ANO10: variants seen among roughly 807,000 people sequenced by gnomAD.
ANO10 encodes the protein anoctamin 10.
In ANO10, 77 loss-of-function variants were observed where a neutral mutation model predicts 74.7. That is an observed-to-expected ratio of 1.03 (90% CI 0.86 to 1.25). The LOEUF (loss-of-function observed/expected upper bound fraction) is 1.25. Among genes scored for constraint, ANO10 ranks in the 50% most tolerant of loss-of-function variants. The probability of loss-of-function intolerance (pLI) is 0.00; values close to 1 mark genes in which losing one functional copy is unlikely to be tolerated. For missense variants in ANO10, 721 were observed against 778.1 expected (o/e 0.93, Z 0.87); for synonymous variants, 279 against 284.9 (o/e 0.98, Z 0.21).
intron 7 of ANO10, among the ~76,000 whole-genome samples, chr3:43,567,625 G>A (rs573211059): frequency 2.6e-5 from 4 of 151,610 alleles, no homozygotes; most frequent in Non-Finnish European, 5.9e-5. Flanking sequence ...TTATAGACAA[G>A]CAAATGCTGA....
At chr3:43,614,168 A>G (rs531642871) in intron 1 of ANO10, among the ~76,000 whole-genome samples, 4 of 152,350 alleles carry the variant, frequency 2.6e-5, no homozygotes, top group Non-Finnish European at 4.4e-5. Flanking sequence ...ACATTTATGC[A>G]TTGTTCAATG....
In ANO10 at chr3:43,549,844, G is replaced by A; in HGVS notation, c.1673C>T (p.Ala558Val). Residue 558 changes from alanine to valine, a missense_variant, in exon 11 of 13, where the codon GCT becomes GTT. Coordinates refer to ENST00000292246, the MANE Select transcript of ANO10 (RefSeq NM_018075.5). ...PSANIGVWQL[A>V]FETMSVISVV... ...AGATATAACACTCATCGTTTCAAAA[G>A]CCAACTAAAAGAAAAAAGAATGGAA... The A allele has an allele frequency of 1.2e-6, 2 of 1,613,662 alleles. No individual in the cohort carries two copies. Among genetic ancestry groups the A allele is most frequent in the Non-Finnish European group, 1.7e-6 (2 of 1,179,776 alleles).
At chr3:43,388,137 A>G (rs1441382947) in intron 12 of ANO10, among the ~76,000 whole-genome samples, 2 of 152,152 alleles carry the variant, frequency 1.3e-5, no homozygotes, top group African/African-American at 4.8e-5. Flanking sequence ...TGATCAGAAC[A>G]CAGGGCCTGG....
intron 11 of ANO10, 25 bp from the exon 12 acceptor site, chr3:43,432,752 T>C (rs749684491): frequency 7.0e-7 from 1 of 1,432,274 alleles, no homozygotes; most frequent in South Asian, 1.1e-5. Flanking sequence ...GAGTACATGT[T>C]GATGTGATAC....
At chr3:43,473,160 T>A (rs1030974326) in intron 11 of ANO10, among the ~76,000 whole-genome samples, 1 of 152,134 alleles carries the variant, frequency 6.6e-6, no homozygotes, top group African/African-American at 2.4e-5. Flanking sequence ...AATGTCTTTT[T>A]TTTTTATAGC....
chr3:43,450,146 G>A (rs1266309907), intron 11 of ANO10, among the ~76,000 whole-genome samples: 1 of 152,072 alleles, frequency 6.6e-6, no homozygotes, highest in Non-Finnish European at 1.5e-5. Flanking sequence ...ATTGTTTTTA[G>A]AATAAAGTGG....
At chr3:43,627,488 CCA>C (rs2083503355) in intron 1 of ANO10, among the ~76,000 whole-genome samples, 1 of 152,206 alleles carries the variant, frequency 6.6e-6, no homozygotes, top group South Asian at 2.1e-4. Flanking sequence ...CAAGAAGCTG[CCA>C]CAGTCACTAC....
chr3:43,538,457 C>T (rs555922302), intron 11 of ANO10, among the ~76,000 whole-genome samples: 19 of 151,910 alleles, frequency 1.3e-4, no homozygotes, highest in Non-Finnish European at 2.4e-4. Flanking sequence ...ATTTTTAAAA[C>T]GGAAATAAAA....
chr3:43,685,921 G>A (rs1408106671), intron 1 of ANO10, among the ~76,000 whole-genome samples: 1 of 152,162 alleles, frequency 6.6e-6, no homozygotes, highest in African/African-American at 2.4e-5. Context: ...TTCACACGAT[G>A]TCTTAGATTT....
rs1168078876 is a variant in ANO10, at chr3:43,636,717, T to A, written c.-11-30854A>T. 2.0e-5 allele frequency among the ~76,000 whole-genome samples: 3 copies of A among 152,238 alleles called. No individual in the cohort carries two copies. In the East Asian group the frequency reaches 5.8e-4, roughly 29 times the overall value. ...ATTTGTACAATATATTGTCATATATTTTTGTGTTTAATAGACGTTCTTTGT... is the reference window on the plus strand; with the variant it reads ...ATTTGTACAATATATTGTCATATATATTTGTGTTTAATAGACGTTCTTTGT... On this transcript the variant is annotated intron_variant, in intron 1 of 3. Coordinates refer to the ANO10 transcript ENST00000413397.
intron 1 of ANO10, among the ~76,000 whole-genome samples, chr3:43,674,718 A>T (rs2084100267): frequency 6.6e-6 from 1 of 152,134 alleles, no homozygotes; most frequent in Non-Finnish European, 1.5e-5. Flanking sequence ...AGGAAGTTGA[A>T]CTGTGATATA....
chr3:43,467,291 C>T (rs530644891), intron 11 of ANO10, among the ~76,000 whole-genome samples: 1 of 152,202 alleles, frequency 6.6e-6, no homozygotes, highest in African/African-American at 2.4e-5. Context: ...GAAATGGGTA[C>T]AAGAATGTTC....
chr3:43,399,522 C>G lies in ANO10; in HGVS notation c.1915-32548G>C, dbSNP rs139340281. Among the ~76,000 whole-genome samples, 104 of 152,208 alleles carry G rather than the reference C, an allele frequency of 6.8e-4. 2 individuals are homozygous for G. Among genetic ancestry groups the G allele is most frequent in the African/African-American group, 2.1e-3 (86 of 41,522 alleles). On this transcript the variant is annotated intron_variant, in intron 12 of 12. Coordinates refer to ENST00000292246, the MANE Select transcript of ANO10 (RefSeq NM_018075.5). ...TGGTGGTTTCTTCACATTTTAGAAA[C>G]AAGGACTACATGGTTTCTGGTGGTC...
intron 12 of ANO10, among the ~76,000 whole-genome samples, chr3:43,422,643 G>A (rs1052565758): frequency 6.6e-6 from 1 of 152,030 alleles, no homozygotes; most frequent in Non-Finnish European, 1.5e-5. Context: ...CTATCAATGG[G>A]GTGACTTGAA....
At chr3:43,566,815 G>A (rs940222409) in intron 7 of ANO10, among the ~76,000 whole-genome samples, 8 of 152,306 alleles carry the variant, frequency 5.3e-5, no homozygotes, top group Admixed American at 3.3e-4. Context: ...CCTCAGCAAC[G>A]GAACAAAGCT....
chr3:43,637,607 TAAA>T (rs2083628068), intron 1 of ANO10: 1 of 149,032 alleles, frequency 6.7e-6, no homozygotes, highest in South Asian at 2.1e-4. Flanking sequence ...ACCTACTAGA[TAAA>T]GAAGCAGTAG....
At chr3:43,507,706 C>G (rs1167313838) in intron 11 of ANO10, among the ~76,000 whole-genome samples, 1 of 152,012 alleles carries the variant, frequency 6.6e-6, no homozygotes, top group Admixed American at 6.6e-5. Flanking sequence ...CTTTTCTTCT[C>G]ATAACTGGAG....
At chr3:43,593,369 G>T (rs577265716) in intron 4 of ANO10, among the ~76,000 whole-genome samples, 3 of 152,326 alleles carry the variant, frequency 2.0e-5, no homozygotes, top group East Asian at 1.9e-4. Flanking sequence ...GAAAGGTCGG[G>T]TTACCCACAA....
At chr3:43,681,399 C>A (rs2084197016) in intron 1 of ANO10, among the ~76,000 whole-genome samples, 1 of 152,104 alleles carries the variant, frequency 6.6e-6, no homozygotes, top group Non-Finnish European at 1.5e-5. Flanking sequence ...TATATATGCA[C>A]CCAATACAGG....
Sources: allele counts gnomAD v4.1 joint callset (sites outside exome capture counted in the v4.1 genomes callset), GRCh38; gene constraint gnomAD v4.1.1; transcripts MANE v1.5; gene names NCBI Gene and HGNC (gene_info 2026-07-23, HGNC 2026-07-21).